The following CDH13 variants were observed in gnomAD, a reference collection of about 807,000 sequenced individuals.
The protein encoded by CDH13 is cadherin-13.
CDH13 carries 24 observed loss-of-function variants against 63.8 expected under a neutral mutation model. The ratio of observed to expected loss-of-function variants is 0.38; its 90% CI spans 0.27 to 0.53. CDH13 has a LOEUF of 0.53. Among genes scored for constraint, CDH13 ranks in the 20% least tolerant of loss-of-function variants. CDH13 has a pLI of 0.85. For synonymous variants in CDH13, 503 were observed against 355.3 expected (o/e 1.42, Z -4.67); for missense variants, 1,049 against 903.1 (o/e 1.16, Z -2.07).
At chr16:82,633,537 C>A (rs192417201) in intron 1 of CDH13, among the ~76,000 whole-genome samples, 6 of 152,154 alleles carry the variant, frequency 3.9e-5, no homozygotes, top group Non-Finnish European at 8.8e-5. Flanking sequence ...CGCCACCAGG[C>A]CTGGCTAACT....
In CDH13 at chr16:83,540,454, C is replaced by T. The variant is rs189953564; in HGVS notation, c.960+53799C>T. 4.6e-5 allele frequency among the ~76,000 whole-genome samples: 7 copies of T among 152,276 alleles called. No homozygotes were observed. The East Asian group carries it at 1.4e-3, about 29-fold the overall frequency. On this transcript the variant is annotated intron_variant, in intron 7 of 13. Coordinates refer to ENST00000567109, the MANE Select transcript of CDH13 (RefSeq NM_001257.5). ...AGCTGACCAGTCATTACCACCTCCT[C>T]CTTGCTCTTTCTACCCAATAAATAC...
intron 4 of CDH13, among the ~76,000 whole-genome samples, chr16:83,191,496 T>TAG (rs2038705038): frequency 1.4e-5 from 1 of 72,262 alleles, no homozygotes; most frequent in African/African-American, 5.8e-5. Context: ...TATGCACATA[T>TAG]ATATATATAC....
intron 5 of CDH13, among the ~76,000 whole-genome samples, chr16:83,262,337 G>A (rs1422314537): frequency 1.3e-5 from 2 of 152,216 alleles, no homozygotes; most frequent in Admixed American, 6.5e-5. Context: ...AATCAGATGT[G>A]TAGGGAGACT....
intron 8 of CDH13, among the ~76,000 whole-genome samples, chr16:83,648,960 A>G (rs1912100373): frequency 6.6e-6 from 1 of 152,106 alleles, no homozygotes; most frequent in Admixed American, 6.6e-5. Flanking sequence ...CACATACACC[A>G]CCTACTATGC....
chr16:82,645,103 T>C (rs555490572), intron 1 of CDH13, among the ~76,000 whole-genome samples: 4 of 152,262 alleles, frequency 2.6e-5, no homozygotes, highest in Middle Eastern at 3.4e-3. Context: ...TCTCGGGCAC[T>C]AACTCACAGA....
chr16:82,685,848 A>G (rs1301970627), intron 1 of CDH13, among the ~76,000 whole-genome samples: 2 of 152,088 alleles, frequency 1.3e-5, no homozygotes, highest in East Asian at 1.9e-4. Flanking sequence ...TTAAAACAGA[A>G]CCTTTGTTTT....
chr16:82,931,361 C>G (rs956661407), intron 2 of CDH13, among the ~76,000 whole-genome samples: 1 of 152,140 alleles, frequency 6.6e-6, no homozygotes, highest in South Asian at 2.1e-4. Context: ...TTTTCCAATG[C>G]TAAAAATGCA....
intron 8 of CDH13, among the ~76,000 whole-genome samples, chr16:83,630,001 C>T (rs1400749164): frequency 4.6e-5 from 7 of 152,196 alleles, no homozygotes; most frequent in African/African-American, 1.7e-4. Context: ...CTGATACCAC[C>T]CTTACTTCCC....
At chr16:82,930,219 C>T (rs1168966325) in intron 2 of CDH13, among the ~76,000 whole-genome samples, 1 of 152,014 alleles carries the variant, frequency 6.6e-6, no homozygotes, top group Admixed American at 6.6e-5. Context: ...TTAAGAGATT[C>T]ACCTGCCTCT....
intron 6 of CDH13, among the ~76,000 whole-genome samples, chr16:83,438,615 G>C (rs1034587885): frequency 2.6e-5 from 4 of 152,160 alleles, no homozygotes; most frequent in African/African-American, 9.7e-5. Flanking sequence ...TATTTAAAAA[G>C]CAATAATACA....
chr16:83,461,590 C>G (rs200907854), intron 6 of CDH13, among the ~76,000 whole-genome samples: 1 of 152,184 alleles, frequency 6.6e-6, no homozygotes, highest in African/African-American at 2.4e-5. Flanking sequence ...CAAAAGGAGC[C>G]TTCTGTACAA....
At chr16:82,870,332 G>A (rs934600063) in intron 2 of CDH13, among the ~76,000 whole-genome samples, 2 of 152,096 alleles carry the variant, frequency 1.3e-5, no homozygotes, top group Non-Finnish European at 2.9e-5. Flanking sequence ...CTGGTGAGGG[G>A]GTGGAGAAAA....
intron 3 of CDH13, among the ~76,000 whole-genome samples, chr16:83,044,020 G>C (rs994751026): frequency 6.6e-6 from 1 of 152,164 alleles, no homozygotes; most frequent in Admixed American, 6.5e-5. Context: ...ATGCTCTACA[G>C]TTCTACAGGA....
chr16:83,461,733 A>G (rs927054216), intron 6 of CDH13, among the ~76,000 whole-genome samples: 1 of 152,184 alleles, frequency 6.6e-6, no homozygotes, highest in African/African-American at 2.4e-5. Flanking sequence ...AAATCAAAGC[A>G]TGGTCAGAGG....
intron 3 of CDH13, among the ~76,000 whole-genome samples, chr16:83,070,624 C>T (rs1307233548): frequency 6.6e-6 from 1 of 152,064 alleles, no homozygotes; most frequent in Non-Finnish European, 1.5e-5. Context: ...CAAGTTTTCT[C>T]AGGAAGGAAA....
chr16:83,284,633 A>G (rs1019034034), intron 5 of CDH13, among the ~76,000 whole-genome samples: 2 of 152,192 alleles, frequency 1.3e-5, no homozygotes, highest in Non-Finnish European at 2.9e-5. Context: ...CAGTGCAGAA[A>G]AAAATGGCAA....
chr16:83,777,150 C>T (rs1394887938), intron 11 of CDH13, among the ~76,000 whole-genome samples: 6 of 152,218 alleles, frequency 3.9e-5, no homozygotes, highest in African/African-American at 1.4e-4. Context: ...CGCCTGCCTG[C>T]AGGGTCTCAC....
intron 11 of CDH13, among the ~76,000 whole-genome samples, chr16:83,774,027 G>A (rs1914938768): frequency 6.6e-6 from 1 of 152,156 alleles, no homozygotes; most frequent in African/African-American, 2.4e-5. Flanking sequence ...CATCAGCACA[G>A]ACTGTCCCCA....
chr16:82,863,748 C>G (rs993287483), intron 2 of CDH13, among the ~76,000 whole-genome samples: 4 of 152,144 alleles, frequency 2.6e-5, no homozygotes, highest in African/African-American at 9.7e-5. Context: ...TAATGGCCAT[C>G]TGAAATTGGC....
Sources: gnomAD v4.1 joint callset for allele counts (sites outside exome capture counted in the v4.1 genomes callset) on GRCh38, gnomAD v4.1.1 for gene constraint, MANE v1.5 for transcripts, NCBI Gene and HGNC (gene_info 2026-07-23, HGNC 2026-07-21) for gene names.